The following PTPRB variants were observed in gnomAD, a reference collection of about 807,000 sequenced individuals.
The protein encoded by PTPRB is protein tyrosine phosphatase receptor type B, also known as receptor-type tyrosine-protein phosphatase beta.
Under a neutral mutation model 238.1 loss-of-function variants are expected in PTPRB, and 97 were observed. The observed-to-expected ratio is 0.41, with a 90% CI of 0.35 to 0.48. The LOEUF is 0.48. Ranked by LOEUF, PTPRB falls within the 20% of genes least tolerant of loss-of-function variation. The pLI is 0.30. For missense variants in PTPRB, 2,292 were observed against 2,681.9 expected, an observed-to-expected ratio of 0.85 and a Z score of 3.21; for synonymous variants, 970 against 995.4, an observed-to-expected ratio of 0.97 and a Z score of 0.48.
intron 4 of PTPRB, among the ~76,000 whole-genome samples, chr12:70,597,878 T>C (rs1162891804): frequency 6.6e-6 from 1 of 152,222 alleles, no homozygotes; most frequent in Non-Finnish European, 1.5e-5. Flanking sequence ...ATAGACACCA[T>C]AGGCTTAATA....
At chr12:70,558,028 G>A (rs187071569) in intron 18 of PTPRB, among the ~76,000 whole-genome samples, 28 of 152,274 alleles carry the variant, frequency 1.8e-4, no homozygotes, top group Admixed American at 1.6e-3. Context: ...AGCTGGCTGT[G>A]GGGGACTGAT....
chr12:70,592,602 G>A (rs1345047012), intron 6 of PTPRB, 57 bp from the exon 7 acceptor site: 1 of 1,544,338 alleles, frequency 6.5e-7, no homozygotes, highest in African/African-American at 1.4e-5. Context: ...CAAGTCCTAT[G>A]GCCAAATTTT....
chr12:70,622,956 G>T (rs963025368), intron 2 of PTPRB, among the ~76,000 whole-genome samples: 2 of 150,780 alleles, frequency 1.3e-5, no homozygotes, highest in Non-Finnish European at 2.9e-5. Context: ...TTTAGGGGGG[G>T]GGTCACTGAA....
At chr12:70,602,263 A>G (rs1454002916) in intron 4 of PTPRB, among the ~76,000 whole-genome samples, 1 of 152,186 alleles carries the variant, frequency 6.6e-6, no homozygotes, top group Non-Finnish European at 1.5e-5. Flanking sequence ...TTTAGTGAAT[A>G]TTAGAGAACC....
chr12:70,576,247 T>A, intron 11 of PTPRB, 135 bp downstream of exon 11: 1 of 964,588 alleles, frequency 1.0e-6, no homozygotes, highest in Non-Finnish European at 1.5e-6. Context: ...TGGGTTAAAA[T>A]ACGAAGACTT....
At chr12:70,631,558 C>G (rs2136608184) in intron 2 of PTPRB, among the ~76,000 whole-genome samples, 1 of 152,254 alleles carries the variant, frequency 6.6e-6, no homozygotes, top group Admixed American at 6.5e-5. Flanking sequence ...GCAATGGCAA[C>G]AAAAGCCAAA....
At chr12:70,606,737 A>G (rs879584065) in intron 4 of PTPRB, among the ~76,000 whole-genome samples, 2 of 152,238 alleles carry the variant, frequency 1.3e-5, no homozygotes, top group African/African-American at 2.4e-5. Context: ...GTATTAACTA[A>G]GTGAACAATT....
At chr12:70,597,548 C>A (rs891436084) in intron 4 of PTPRB, among the ~76,000 whole-genome samples, 1 of 152,076 alleles carries the variant, frequency 6.6e-6, no homozygotes, top group Non-Finnish European at 1.5e-5. Flanking sequence ...ATTGAGAGAC[C>A]TCTTTATGAG....
At chr12:70,563,267 C>A (rs1878752439) in intron 15 of PTPRB, among the ~76,000 whole-genome samples, 160 bp from the exon 16 acceptor site, 1 of 152,210 alleles carries the variant, frequency 6.6e-6, no homozygotes, top group South Asian at 2.1e-4. Flanking sequence ...CAAAAATCTT[C>A]ATGTTAGAAT....
rs551097790 is a variant in PTPRB, at chr12:70,519,170, T to G, written c.*2319A>C. On this transcript the variant is annotated 3_prime_UTR_variant, in exon 34 of 34. Transcript: ENST00000334414. ...TACGATTTTTCCCTGTCATGTCCAT[T>G]TACATAATTCTGATACTACCCTAGA... 1 of 152,190 alleles carries G rather than the reference T, an allele frequency of 6.6e-6. No homozygotes were observed. Among genetic ancestry groups the G allele is most frequent in the Non-Finnish European group, 1.5e-5 (1 of 68,032 alleles). 9.4% of individuals were successfully genotyped at this position (152,190 alleles called of 1,614,324 possible).
chr12:70,539,829 A>G lies in PTPRB; in HGVS notation c.5694T>C (p.Ser1898=). The change falls in exon 25 of 34, where the codon TCT becomes TCC. Residue 1898 remains serine, a splice_region_variant and synonymous_variant. Transcript: ENST00000334414. ...AATTAATGTGTTCTCTCTCTTACCA[A>G]GAAGTTTTCCGGTTACTGTGAAGAG... is the stretch of plus-strand genomic sequence containing the variant. ...NLGQKGNRKT[S]CPIKINQFEG... 1 of 1,594,544 alleles carries G rather than the reference A, an allele frequency of 6.3e-7. No homozygotes were observed. Among genetic ancestry groups the G allele is most frequent in the East Asian group, 2.2e-5 (1 of 44,786 alleles).
intron 3 of PTPRB, among the ~76,000 whole-genome samples, chr12:70,620,952 G>A (rs185053293): frequency 1.9e-3 from 284 of 152,238 alleles, no homozygotes; most frequent in Non-Finnish European, 2.9e-3. Flanking sequence ...GCCACTATGC[G>A]ATCTATGCAT....
intron 20 of PTPRB, 106 bp from the exon 21 acceptor site, chr12:70,553,126 G>T: frequency 7.6e-7 from 1 of 1,324,478 alleles, no homozygotes. Context: ...ACTATCTCTG[G>T]CCATTTCCAA....
Position 70,622,609 on chromosome 12 carries a change from TC to T in PTPRB, c.488del (p.Arg163LysfsTer52). On this transcript the variant is annotated frameshift_variant, in exon 3 of 34. Transcript: ENST00000334414. LOFTEE classifies it high-confidence loss of function. ...LGAEVSVRSTRNTAPPQILTT... is the reference protein window; with the variant it reads ...LGAEVSVRSTXNTAPPQILTT... ...TGAGAATCTGGGGTGGAGCCGTGTT[TC>T]TAGTGCTCCTCACCGAAACTTCTGC... is the stretch of plus-strand genomic sequence containing the variant. The T allele has an allele frequency of 3.8e-6, 6 of 1,583,528 alleles. No homozygotes were observed. The highest frequency in any genetic ancestry group is 5.2e-6 in the Non-Finnish European group (6 of 1,162,744).
At position 70,516,529 on chromosome 12, in the gene PTPRB, A is replaced by G. The variant is rs779767572; in HGVS notation, c.*4960T>C. ...TAACCTGCAGATGGAATGCTGTCCA[A>G]CTCTGCCACAAACTCTTAAAGCCAC... On this transcript the variant is annotated 3_prime_UTR_variant, in exon 34 of 34. Coordinates refer to ENST00000334414, the MANE Select transcript of PTPRB (RefSeq NM_001109754.4). The G allele has an allele frequency of 1.6e-4, 24 of 152,190 alleles. No individual in the cohort carries two copies. The highest frequency in any genetic ancestry group is 3.2e-4 in the Non-Finnish European group (22 of 68,016). The allele number at this position is 152,190 out of a possible 1,614,324, so 9.4% of individuals were successfully genotyped here.
At chr12:70,555,722 G>C in intron 19 of PTPRB, 148 bp downstream of exon 19, 1 of 1,016,490 alleles carries the variant, frequency 9.8e-7, no homozygotes, top group East Asian at 2.6e-5. Context: ...AGACTTTTAG[G>C]TCCTCCTCTC....
chr12:70,586,147 T>C (rs887077102), intron 9 of PTPRB, among the ~76,000 whole-genome samples: 3 of 152,148 alleles, frequency 2.0e-5, no homozygotes, highest in African/African-American at 4.8e-5. Context: ...ATTTATAATC[T>C]TTTGGGTATA....
chr12:70,562,098 C>G (rs1878560440), intron 16 of PTPRB, among the ~76,000 whole-genome samples: 1 of 152,114 alleles, frequency 6.6e-6, no homozygotes, highest in Non-Finnish European at 1.5e-5. Context: ...AGGGAGGCCC[C>G]CATCTCTACA....
intron 13 of PTPRB, among the ~76,000 whole-genome samples, chr12:70,570,475 T>C (rs1350473365): frequency 6.6e-6 from 1 of 151,978 alleles, no homozygotes; most frequent in Non-Finnish European, 1.5e-5. Flanking sequence ...GCCTCCCCAG[T>C]AGCTGGGACT....
Sources: allele counts gnomAD v4.1 joint callset (sites outside exome capture counted in the v4.1 genomes callset), GRCh38; gene constraint gnomAD v4.1.1; transcripts MANE v1.5; gene names NCBI Gene and HGNC (gene_info 2026-07-23, HGNC 2026-07-21).